Variants in CDKL5 observed in about 807,000 individuals in gnomAD.
CDKL5 encodes the protein cyclin-dependent kinase-like 5.
CDKL5 carries 8 observed loss-of-function variants against 61.7 expected under a neutral mutation model. The ratio of observed to expected loss-of-function variants is 0.13; its 90% CI spans 0.08 to 0.23. The LOEUF (loss-of-function observed/expected upper bound fraction) is 0.23. Ranked by LOEUF, CDKL5 falls within the 10% of genes least tolerant of loss-of-function variation. The pLI is 1.00. For missense variants in CDKL5, 440 were observed against 734.5 expected (o/e 0.60, Z 4.63); for synonymous variants, 275 against 272.3 (o/e 1.01, Z -0.10).
At chrX:18,537,606 G>A (rs1274389703) in intron 3 of CDKL5, among the ~76,000 whole-genome samples, 1 of 111,765 alleles carries the variant, frequency 8.9e-6, no homozygotes, top group Non-Finnish European at 1.9e-5. Flanking sequence ...GCTACAGAAC[G>A]GTTTTATCAC....
intron 3 of CDKL5, among the ~76,000 whole-genome samples, chrX:18,531,206 A>T (rs765381456): frequency 8.9e-6 from 1 of 111,744 alleles, no homozygotes; most frequent in South Asian, 3.8e-4. Context: ...GCTCTGGTAA[A>T]TTTTCTCTTG....
chrX:18,647,143 TA>T (rs1394632169), intron 20 of CDKL5: 1 of 1,192,459 alleles, frequency 8.4e-7, no homozygotes, highest in East Asian at 3.0e-5. Flanking sequence ...TAGAGAGGCC[TA>T]TTTTTTTTTA....
chrX:18,612,665 AAAAG>A (rs1347821838), intron 14 of CDKL5, among the ~76,000 whole-genome samples: 1 of 107,954 alleles, frequency 9.3e-6, no homozygotes, highest in African/African-American at 3.4e-5. Flanking sequence ...AAAAAAAAAA[AAAAG>A]AGAGAGAGAA....
At chrX:18,458,147 T>G (rs1476700977) in intron 1 of CDKL5, among the ~76,000 whole-genome samples, 1 of 108,768 alleles carries the variant, frequency 9.2e-6, no homozygotes, top group Non-Finnish European at 1.9e-5. Flanking sequence ...GGTCTCAAAC[T>G]CCTGACCTCA....
chrX:18,631,083 A>C lies in CDKL5; in HGVS notation c.*2326A>C. On this transcript the variant is annotated 3_prime_UTR_variant, in exon 18 of 18. Coordinates refer to ENST00000623535, the MANE Select transcript of CDKL5 (RefSeq NM_001323289.2). The stretch of plus-strand genomic sequence containing the variant: ...CTGTGGCATTCGAGGCTCGTCACCT[A>C]GGGGCTGGTTTCCCATGTTGTCATC... 1.3e-6 allele frequency: 1 copy of C among 752,930 alleles called. No homozygotes were observed. The highest frequency in any genetic ancestry group is 1.6e-6 in the Non-Finnish European group (1 of 639,005). The allele number at this position is 752,930 out of a possible 1,213,427, so 62.0% of individuals were successfully genotyped here. A position where few individuals can be genotyped will look rare whatever the true frequency, so the allele number is the denominator to read the frequency against.
intron 1 of CDKL5, among the ~76,000 whole-genome samples, chrX:18,436,209 G>A (rs947699854): frequency 3.6e-5 from 4 of 111,270 alleles, no homozygotes; most frequent in Admixed American, 2.9e-4. Context: ...TGTGCTCATC[G>A]TCTTCACATT....
At chrX:18,559,592 A>G (rs1460577655) in intron 3 of CDKL5, among the ~76,000 whole-genome samples, 4 of 110,172 alleles carry the variant, frequency 3.6e-5, no homozygotes, top group East Asian at 5.7e-4. Context: ...TTTACAAGCA[A>G]CACATGGTTC....
At chrX:18,598,365 CTG>C in intron 10 of CDKL5, 95 bp from the exon 11 acceptor site, 1 of 609,367 alleles carries the variant, frequency 1.6e-6, no homozygotes, top group East Asian at 3.5e-5. Context: ...TCTGCAATGA[CTG>C]TGTATTTCTT....
At chrX:18,550,936 G>A (rs1341259307) in intron 3 of CDKL5, among the ~76,000 whole-genome samples, 1 of 111,973 alleles carries the variant, frequency 8.9e-6, no homozygotes, top group Non-Finnish European at 1.9e-5. Context: ...AGACAAGGTG[G>A]TTTGAGGGTA....
chrX:18,591,333 A>ATC (rs1925822123), intron 9 of CDKL5, among the ~76,000 whole-genome samples: 2 of 111,980 alleles, frequency 1.8e-5, no homozygotes, highest in Admixed American at 1.9e-4. Context: ...TTAACACAGT[A>ATC]TCTACCATAT....
chrX:18,468,991 A>G (rs1920991188), intron 1 of CDKL5, among the ~76,000 whole-genome samples: 1 of 111,472 alleles, frequency 9.0e-6, no homozygotes. Context: ...TTAGACTTTT[A>G]TGGTTTTTAA....
At chrX:18,607,557 T>C (rs1926404955) in intron 12 of CDKL5, among the ~76,000 whole-genome samples, 1 of 112,203 alleles carries the variant, frequency 8.9e-6, no homozygotes, top group African/African-American at 3.2e-5. Flanking sequence ...TACTGTGGGC[T>C]AAGCACAGAT....
At chrX:18,445,284 G>C (rs1021838910) in intron 1 of CDKL5, among the ~76,000 whole-genome samples, 1 of 110,279 alleles carries the variant, frequency 9.1e-6, no homozygotes, top group Non-Finnish European at 1.9e-5. Context: ...CACCATGTTG[G>C]TCAGGCTGGT....
chrX:18,544,173 C>T (rs923733825), intron 3 of CDKL5, among the ~76,000 whole-genome samples: 2 of 111,920 alleles, frequency 1.8e-5, no homozygotes, highest in African/African-American at 6.5e-5. Context: ...CCTGGAGGAA[C>T]CTTAACTCTA....
chrX:18,598,305 A>G (rs1385934421), intron 10 of CDKL5, among the ~76,000 whole-genome samples, 157 bp from the exon 11 acceptor site: 12 of 110,806 alleles, frequency 1.1e-4, no homozygotes, highest in Non-Finnish European at 2.3e-4. Flanking sequence ...ATTATAGGTG[A>G]TTTAGATAGT....
Position 18,630,666 on chromosome X carries a change from T to C in CDKL5, c.*1909T>C, listed in dbSNP as rs961339533. ...TATTGATTATATAGATAGGTCATTTTAAGGTGCTTTTTATTTAATTTTAAT... is the reference window on the plus strand; with the variant it reads ...TATTGATTATATAGATAGGTCATTTCAAGGTGCTTTTTATTTAATTTTAAT... On this transcript the variant is annotated 3_prime_UTR_variant, in exon 18 of 18. Transcript: ENST00000623535. 5.4e-6 allele frequency: 4 copies of C among 740,587 alleles called. No individual in the cohort carries two copies. In the African/African-American group the frequency reaches 7.0e-5, roughly 13 times the overall value. 61.0% of individuals were successfully genotyped at this position (740,587 alleles called of 1,213,427 possible).
At chrX:18,550,798 A>G (rs1192425578) in intron 3 of CDKL5, among the ~76,000 whole-genome samples, 1 of 112,607 alleles carries the variant, frequency 8.9e-6, no homozygotes, top group Non-Finnish European at 1.9e-5. Flanking sequence ...TAGTAACACA[A>G]TTGCACAATA....
chrX:18,632,480 G>T lies in CDKL5; in HGVS notation c.*3723G>T, dbSNP rs1253789096. On this transcript the variant is annotated 3_prime_UTR_variant, in exon 18 of 18. Coordinates refer to ENST00000623535, the MANE Select transcript of CDKL5 (RefSeq NM_001323289.2). ...TCAGCTGTGTCTCCCGAAAGAAAAT[G>T]TCTTTGTTTTTTATTCAAGTCATTT... The T allele has an allele frequency of 1.3e-6, 1 of 753,024 alleles. No individual in the cohort carries two copies. The highest frequency in any genetic ancestry group is 8.7e-5 in the Admixed American group (1 of 11,443). 62.1% of individuals were successfully genotyped at this position (753,024 alleles called of 1,213,427 possible).
At chrX:18,547,751 T>C (rs1361899125) in intron 3 of CDKL5, among the ~76,000 whole-genome samples, 1 of 112,053 alleles carries the variant, frequency 8.9e-6, no homozygotes, top group East Asian at 2.8e-4. Flanking sequence ...ACAGTTTAAT[T>C]GAGCAGACTT....
Sources: allele counts gnomAD v4.1 joint callset (sites outside exome capture counted in the v4.1 genomes callset), GRCh38; gene constraint gnomAD v4.1.1; transcripts MANE v1.5; gene names NCBI Gene and HGNC (gene_info 2026-07-23, HGNC 2026-07-21).